SLC34A2: variants seen among roughly 807,000 people sequenced by gnomAD.
The protein encoded by SLC34A2 is sodium-dependent phosphate transport protein 2B.
SLC34A2 carries 41 observed loss-of-function variants against 50.8 expected under a neutral mutation model. That is an observed-to-expected ratio of 0.81 (90% CI 0.63 to 1.05). SLC34A2 has a LOEUF of 1.05. Ranked by LOEUF, SLC34A2 falls within the 50% of genes least tolerant of loss-of-function variation. The pLI is 0.00. For missense variants in SLC34A2, 879 were observed against 876.7 expected (o/e 1.00, Z -0.03); for synonymous variants, 401 against 364.2 (o/e 1.10, Z -1.15).
At chr4:25,659,763 G>C (rs970943275) in intron 1 of SLC34A2, among the ~76,000 whole-genome samples, 1 of 152,120 alleles carries the variant, frequency 6.6e-6, no homozygotes, top group Admixed American at 6.5e-5. Context: ...ACTGTGATTC[G>C]CCTCTCTCCA....
At chr4:25,669,994 A>G in intron 7 of SLC34A2, 152 bp downstream of exon 7, 1 of 764,786 alleles carries the variant, frequency 1.3e-6, no homozygotes. Flanking sequence ...AGGCCGAGGC[A>G]GGTGGATTGC....
rs755033732 is a variant in SLC34A2 at position 25,676,167 on chromosome 4, C to T, written c.1491C>T (p.Ser497=). The T allele has an allele frequency of 9.9e-6, 16 of 1,614,058 alleles. No homozygotes were observed. Among genetic ancestry groups the T allele is most frequent in the African/African-American group, 5.3e-5 (4 of 74,932 alleles). ...IALCHFFFNI[S]GILLWYPIPF... ...TGTGCCACTTTTTCTTCAACATCTC[C>T]GGCATCTTGCTGTGGTACCCGATCC... Residue 497 remains serine (S), a synonymous_variant, in exon 13 of 13, where the codon TCC becomes TCT. Transcript: ENST00000382051.
In SLC34A2 at chr4:25,669,695, G is replaced by A; in HGVS notation, c.684G>A (p.Val228=). 5.6e-6 allele frequency: 9 copies of A among 1,614,146 alleles called. No individual in the cohort carries two copies. The highest frequency in any genetic ancestry group is 7.6e-6 in the Non-Finnish European group (9 of 1,180,028). The part of the protein sequence containing the change: ...TVHDFFNWLS[V]LVLLPVEVAT... ...ATGACTTCTTCAACTGGCTGTCCGTGTTGGTGCTCTTGCCCGTGGAGGTGG... is the reference window on the plus strand; with the variant it reads ...ATGACTTCTTCAACTGGCTGTCCGTATTGGTGCTCTTGCCCGTGGAGGTGG... Residue 228 remains valine, a synonymous_variant, in exon 7 of 13, where the codon GTG becomes GTA. Coordinates refer to ENST00000382051, the MANE Select transcript of SLC34A2 (RefSeq NM_006424.3).
chr4:25,662,378 C>A (rs1399697093), intron 1 of SLC34A2, 120 bp from the exon 2 acceptor site: 2 of 812,566 alleles, frequency 2.5e-6, no homozygotes, highest in Admixed American at 4.0e-5. Context: ...CCTTTTACTG[C>A]CGCCTCCGGC....
At chr4:25,674,229 C>A (rs1714978812) in intron 10 of SLC34A2, 67 bp from the exon 11 acceptor site, 1 of 1,225,962 alleles carries the variant, frequency 8.2e-7, no homozygotes, top group African/African-American at 1.5e-5. Context: ...AGCCCAGCCC[C>A]TACCCCAGGC....
chr4:25,660,701 A>G (rs1714133039), intron 1 of SLC34A2, among the ~76,000 whole-genome samples: 1 of 152,128 alleles, frequency 6.6e-6, no homozygotes, highest in African/African-American at 2.4e-5. Flanking sequence ...GCATGCCACC[A>G]CGCCTGGCTA....
At chr4:25,665,410 G>A (rs919797149) in intron 4 of SLC34A2, among the ~76,000 whole-genome samples, 8 of 151,864 alleles carry the variant, frequency 5.3e-5, no homozygotes, top group African/African-American at 1.2e-4. Flanking sequence ...CAGTTGTTCC[G>A]CCCGTCCTCC....
In SLC34A2 at chr4:25,676,735, T is replaced by C; in HGVS notation, c.2059T>C (p.Cys687Arg). The C allele has an allele frequency of 6.2e-7, 1 of 1,614,130 alleles. No homozygotes were observed. Among genetic ancestry groups the C allele is most frequent in the Non-Finnish European group, 8.5e-7 (1 of 1,179,992 alleles). Residue 687 changes from cysteine to arginine, a missense_variant, in exon 13 of 13, where the codon TGC (cysteine) becomes CGC (arginine). Cys to Arg is a radical substitution (Grantham distance 180). Transcript: ENST00000382051. ...CCCTGCCTCGGACTCAAAGACCGAA[T>C]GCACGGCCTTGTAGGGGACGCCCCA... ...EVPASDSKTE[C>R]TAL
rs903673840 is a variant in SLC34A2 at position 25,676,731 on chromosome 4, C to A, written c.2055C>A (p.Thr685=). ...AGGTCCCTGCCTCGGACTCAAAGAC[C>A]GAATGCACGGCCTTGTAGGGGACGC... ...QGEVPASDSK[T]ECTAL Residue 685 remains threonine, a synonymous_variant, in exon 13 of 13, where the codon ACC becomes ACA. Transcript: ENST00000382051. 1 of 1,614,132 alleles carries A rather than the reference C, an allele frequency of 6.2e-7. No homozygotes were observed. Among genetic ancestry groups the A allele is most frequent in the Non-Finnish European group, 8.5e-7 (1 of 1,180,024 alleles).
At chr4:25,666,864 T>G (rs1714528532) in intron 5 of SLC34A2, 1 of 152,426 alleles carries the variant, frequency 6.6e-6, no homozygotes, top group South Asian at 2.1e-4. Flanking sequence ...GGACAGACCC[T>G]CTGAGGGGGA....
intron 8 of SLC34A2, 84 bp from the exon 9 acceptor site, chr4:25,671,517 G>C: frequency 6.4e-7 from 1 of 1,566,614 alleles, no homozygotes; most frequent in Non-Finnish European, 8.8e-7. Flanking sequence ...TGGTGTCTGC[G>C]CCTGTTCATT....
At chr4:25,666,329 G>A (rs1714503042) in intron 5 of SLC34A2, 58 bp downstream of exon 5, 2 of 1,597,240 alleles carry the variant, frequency 1.3e-6, no homozygotes, top group Non-Finnish European at 8.6e-7. Flanking sequence ...GTCTATCTGA[G>A]GGTGGGAAGG....
chr4:25,657,247 C>A (rs1713931179), intron 1 of SLC34A2, among the ~76,000 whole-genome samples: 1 of 152,082 alleles, frequency 6.6e-6, no homozygotes, highest in South Asian at 2.1e-4. Context: ...AGCCCGAATT[C>A]AATGCAATGA....
intron 4 of SLC34A2, among the ~76,000 whole-genome samples, chr4:25,665,570 C>A (rs552455675): frequency 6.6e-6 from 1 of 152,168 alleles, no homozygotes; most frequent in Admixed American, 6.5e-5. Context: ...TGGGCTTCCA[C>A]CTTCTTTATA....
rs770939525 is a variant in SLC34A2 at position 25,662,653 on chromosome 4, G to A, written c.112+41G>A. 7.4e-6 allele frequency: 12 copies of A among 1,613,846 alleles called. No homozygotes were observed. In the South Asian group the frequency reaches 1.3e-4, roughly 18 times the overall value. On this transcript the variant is annotated intron_variant, in intron 2 of 12. Transcript: ENST00000382051. Reference sequence around the variant, plus strand: ...TTGTCTGCAGATCGGCCTTTGTGAGGACCCCAGGAGACTCAGGTCTGATTC... The same window carrying A: ...TTGTCTGCAGATCGGCCTTTGTGAGAACCCCAGGAGACTCAGGTCTGATTC...
At position 25,666,170 on chromosome 4, in the gene SLC34A2, C is replaced by G; in HGVS notation, c.422C>G (p.Ser141Cys). ...GQFFSNSSIMSNPLLGLVIGV... is the reference protein window; with the variant it reads ...GQFFSNSSIMCNPLLGLVIGV... ...TTCTTCAGCAACAGCTCTATTATGTCCAACCCTTTGTTGGGGCTGGTGATC... is the reference window on the plus strand; with the variant it reads ...TTCTTCAGCAACAGCTCTATTATGTGCAACCCTTTGTTGGGGCTGGTGATC... Residue 141 changes from serine (S) to cysteine (C), a missense_variant, in exon 5 of 13, where the codon TCC becomes TGC. Physicochemically the swap from Ser to Cys is moderately radical, Grantham distance 112 (BLOSUM62 -1). Coordinates refer to ENST00000382051, the MANE Select transcript of SLC34A2 (RefSeq NM_006424.3). 1 of 1,614,016 alleles carries G rather than the reference C, an allele frequency of 6.2e-7. No homozygotes were observed. The highest frequency in any genetic ancestry group is 8.5e-7 in the Non-Finnish European group (1 of 1,180,038).
chr4:25,673,798 C>T (rs1032146938), intron 10 of SLC34A2, among the ~76,000 whole-genome samples: 2 of 152,162 alleles, frequency 1.3e-5, no homozygotes, highest in Non-Finnish European at 2.9e-5. Flanking sequence ...GCCCCCCACC[C>T]CAGATTGTCT....
At chr4:25,675,655 T>G (rs1479975787) in intron 12 of SLC34A2, among the ~76,000 whole-genome samples, 1 of 152,246 alleles carries the variant, frequency 6.6e-6, no homozygotes, top group African/African-American at 2.4e-5. Context: ...ATTGAGAGTC[T>G]TTGAAATCTG....
At position 25,666,108 on chromosome 4, in the gene SLC34A2, T is replaced by C; in HGVS notation, c.380-20T>C. On this transcript the variant is annotated intron_variant, in intron 4 of 12. Transcript: ENST00000382051. ...CGATCACGTTGTGATTGTTTTTGTTTGTTTGTTTGTTTTTCCCAGGAAAAA... is the reference window on the plus strand; with the variant it reads ...CGATCACGTTGTGATTGTTTTTGTTCGTTTGTTTGTTTTTCCCAGGAAAAA... The C allele has an allele frequency of 6.2e-7, 1 of 1,612,092 alleles. No homozygotes were observed. The highest frequency in any genetic ancestry group is 1.3e-5 in the African/African-American group (1 of 75,026).
Sources: gnomAD v4.1 joint callset for allele counts (sites outside exome capture counted in the v4.1 genomes callset) on GRCh38, gnomAD v4.1.1 for gene constraint, MANE v1.5 for transcripts, NCBI Gene and HGNC (gene_info 2026-07-23, HGNC 2026-07-21) for gene names.